Variants in HEMK2 observed in about 807,000 individuals in gnomAD.
The protein encoded by HEMK2 is HemK methyltransferase 2, ETF1 glutamine and histone H4 lysine, also known as methyltransferase HEMK2.
At chr21:28,638,091 T>C in the HEMK2 span, among the ~76,000 whole-genome samples, 1 of 152,248 alleles carries the variant, frequency 6.6e-6, no homozygotes, top group Non-Finnish European at 1.5e-5. Context: ...TTCACCCTGC[T>C]AAGCAGAGGG....
At chr21:28,801,102 G>C in the HEMK2 span, among the ~76,000 whole-genome samples, 9 of 152,240 alleles carry the variant, frequency 5.9e-5, no homozygotes, top group South Asian at 4.1e-4. Flanking sequence ...CTTCACACTT[G>C]TGCCTCAGGC....
the HEMK2 span, among the ~76,000 whole-genome samples, chr21:28,721,917 CACACACACACACACACACACAT>C: frequency 6.9e-6 from 1 of 144,818 alleles, no homozygotes; most frequent in African/African-American, 2.7e-5. Flanking sequence ...CACACACACA[CACACACACACACACACACACAT>C]ACACCTATTT....
At chr21:28,841,293 T>A in the HEMK2 span, among the ~76,000 whole-genome samples, 8 of 6,790 alleles carry the variant, frequency 1.2e-3, no homozygotes, top group African/African-American at 5.1e-3. Context: ...ATAATATATA[T>A]TATATATTAT....
the HEMK2 span, chr21:28,626,773 A>G: frequency 1.3e-5 from 2 of 152,242 alleles, no homozygotes; most frequent in Non-Finnish European, 2.9e-5. Context: ...CAACAAGTAC[A>G]TGAAAAGATG....
the HEMK2 span, among the ~76,000 whole-genome samples, chr21:28,660,038 A>G: frequency 6.6e-6 from 1 of 151,976 alleles, no homozygotes; most frequent in African/African-American, 2.4e-5. Flanking sequence ...AACTTTTAAT[A>G]GACTTATTCC....
chr21:28,750,427 G>A, the HEMK2 span, among the ~76,000 whole-genome samples: 1 of 151,966 alleles, frequency 6.6e-6, no homozygotes, highest in East Asian at 1.9e-4. Flanking sequence ...AGCTGGGAGC[G>A]GTGACTCATA....
chr21:28,766,315 T>C, the HEMK2 span, among the ~76,000 whole-genome samples: 3 of 151,548 alleles, frequency 2.0e-5, no homozygotes, highest in African/African-American at 7.3e-5. Flanking sequence ...ATTTTTTTTT[T>C]TTAAAAAAGA....
At chr21:28,640,109 T>C in the HEMK2 span, among the ~76,000 whole-genome samples, 2 of 152,170 alleles carry the variant, frequency 1.3e-5, no homozygotes, top group South Asian at 4.1e-4. Context: ...AAAATAACAA[T>C]TTTTAAATGA....
the HEMK2 span, chr21:28,876,562 T>A: frequency 1.1e-6 from 1 of 889,212 alleles, no homozygotes; most frequent in Non-Finnish European, 1.7e-6. Context: ...AGCAATTTAA[T>A]AAGTTAAACA....
At chr21:28,873,818 G>C in the HEMK2 span, 1,813 of 152,266 alleles carry the variant, frequency 0.012, 26 homozygotes, top group Non-Finnish European at 0.019. Context: ...ATTAAATCAT[G>C]ATTGCGTCTC....
the HEMK2 span, among the ~76,000 whole-genome samples, chr21:28,868,764 T>C: frequency 6.6e-6 from 1 of 152,220 alleles, no homozygotes; most frequent in Non-Finnish European, 1.5e-5. Flanking sequence ...TTATTTATCA[T>C]TTTTAGTCGT....
the HEMK2 span, among the ~76,000 whole-genome samples, chr21:28,822,203 C>T: frequency 6.6e-6 from 1 of 152,156 alleles, no homozygotes; most frequent in African/African-American, 2.4e-5. Context: ...TTTAGAAGCA[C>T]TCAGGGAGGT....
the HEMK2 span, among the ~76,000 whole-genome samples, chr21:28,767,925 A>T: frequency 6.6e-6 from 1 of 151,858 alleles, no homozygotes; most frequent in African/African-American, 2.4e-5. Flanking sequence ...CAGTCCCTTT[A>T]GCTTTTCTAT....
chr21:28,671,693 T>G, the HEMK2 span, among the ~76,000 whole-genome samples: 3 of 152,178 alleles, frequency 2.0e-5, no homozygotes, highest in African/African-American at 7.2e-5. Context: ...GAGTTTCGTA[T>G]AGCAATGCCA....
At chr21:28,583,087 G>A in the HEMK2 span, among the ~76,000 whole-genome samples, 3 of 152,144 alleles carry the variant, frequency 2.0e-5, no homozygotes, top group Non-Finnish European at 4.4e-5. Flanking sequence ...AGCTATTTCT[G>A]AAGAGTTGCT....
the HEMK2 span, among the ~76,000 whole-genome samples, chr21:28,736,524 G>A: frequency 1.3e-5 from 2 of 152,186 alleles, no homozygotes; most frequent in Non-Finnish European, 2.9e-5. Flanking sequence ...GGGAGGCCGA[G>A]GTAGGCAGAT....
the HEMK2 span, among the ~76,000 whole-genome samples, chr21:28,731,629 A>AT: frequency 1.4e-5 from 2 of 143,248 alleles, no homozygotes; most frequent in Admixed American, 1.4e-4. Flanking sequence ...GGGGGGAGGG[A>AT]TAGCATTAGG....
At chr21:28,837,258 A>G in the HEMK2 span, among the ~76,000 whole-genome samples, 1 of 152,218 alleles carries the variant, frequency 6.6e-6, no homozygotes, top group Non-Finnish European at 1.5e-5. Context: ...ATTCAACAAC[A>G]CATAGAACTT....
chr21:28,803,457 A>G, the HEMK2 span, among the ~76,000 whole-genome samples: 1 of 152,226 alleles, frequency 6.6e-6, no homozygotes, highest in African/African-American at 2.4e-5. Flanking sequence ...TAAAGTCTGG[A>G]GCCCAATGTG....
Sources: allele counts gnomAD v4.1 joint callset (sites outside exome capture counted in the v4.1 genomes callset), GRCh38; gene constraint gnomAD v4.1.1; transcripts MANE v1.5; gene names NCBI Gene and HGNC (gene_info 2026-07-23, HGNC 2026-07-21).